The following COL5A1 variants were observed in gnomAD, a reference collection of about 807,000 sequenced individuals.
COL5A1 encodes the protein collagen type V alpha 1 chain.
COL5A1 carries 16 observed loss-of-function variants against 263.7 expected under a neutral mutation model. That is an observed-to-expected ratio of 0.06 (90% CI 0.04 to 0.09). The LOEUF is 0.09. COL5A1 is among the 10% of genes least tolerant of loss of function. The pLI, the probability that COL5A1 is intolerant of heterozygous loss-of-function variation, is 1.00. For synonymous variants in COL5A1, 1,012 were observed against 1,004.5 expected, an observed-to-expected ratio of 1.01 and a Z score of -0.14; for missense variants, 2,036 against 2,540.5, an observed-to-expected ratio of 0.80 and a Z score of 4.27.
In COL5A1 at chr9:134,729,890, T is replaced by C. The variant is rs528102923; in HGVS notation, c.925-346T>C. Among the ~76,000 whole-genome samples, 13 of 152,338 alleles carry C rather than the reference T, an allele frequency of 8.5e-5. 1 individual carries two copies. The highest frequency in any genetic ancestry group is 3.1e-4 in the African/African-American group (13 of 41,568). ...CTTCCAGGGAAAGGTGACCTGGTCATCTCACATTGCTCTGAGAGCCTGGAG... is the reference window on the plus strand; with the variant it reads ...CTTCCAGGGAAAGGTGACCTGGTCACCTCACATTGCTCTGAGAGCCTGGAG... On this transcript the variant is annotated intron_variant, in intron 6 of 65. Transcript: ENST00000371817.
chr9:134,725,728 G>A (rs932443795), intron 4 of COL5A1, among the ~76,000 whole-genome samples: 7 of 152,200 alleles, frequency 4.6e-5, no homozygotes, highest in Admixed American at 3.9e-4. Flanking sequence ...CAATGAATCC[G>A]AAAGTTCAGT....
chr9:134,729,304 C>A (rs1022605379), intron 6 of COL5A1, among the ~76,000 whole-genome samples: 1 of 152,028 alleles, frequency 6.6e-6, no homozygotes, highest in East Asian at 1.9e-4. Flanking sequence ...CAGTGAGAGC[C>A]GGAGGGTCAC....
At position 134,681,147 on chromosome 9, in the gene COL5A1, C is replaced by T. The variant is rs558776732; in HGVS notation, c.110-9765C>T. On this transcript the variant is annotated intron_variant, in intron 1 of 65. Transcript: ENST00000371817. This position sits in a 1 kb window ranked among gnomAD's most constrained non-coding sequence, Gnocchi z 4.3. ...GCTGGGTTGACCTCACTGATGAGGC[C>T]GCCTGCCTTGCAGGGAGGGCTGGGG... 3.5e-4 allele frequency among the ~76,000 whole-genome samples: 53 copies of T among 152,276 alleles called. No homozygotes were observed. The highest frequency in any genetic ancestry group is 1.3e-3 in the African/African-American group (52 of 41,550).
At chr9:134,816,075 A>G (rs2057322521) in intron 52 of COL5A1, 87 bp downstream of exon 52, 1 of 1,308,208 alleles carries the variant, frequency 7.6e-7, no homozygotes, top group South Asian at 1.2e-5. Flanking sequence ...TTTCTGGGAA[A>G]AACTCCAACC....
At chr9:134,830,866 T>C (rs9409999) in intron 64 of COL5A1, among the ~76,000 whole-genome samples, 48,435 of 152,076 alleles carry the variant, frequency 0.32, 8,176 homozygotes, top group Non-Finnish European at 0.38. Context: ...CCGCGTGGAG[T>C]GCCCCTAGGA....
chr9:134,760,522 A>ACCCC, intron 18 of COL5A1, among the ~76,000 whole-genome samples: 1 of 106,342 alleles, frequency 9.4e-6, no homozygotes, highest in Non-Finnish European at 1.8e-5. Flanking sequence ...ACACACCCAC[A>ACCCC]CACCCCCACA....
intron 1 of COL5A1, among the ~76,000 whole-genome samples, chr9:134,685,055 A>ACCAT (rs1554779095): frequency 1.0e-3 from 30 of 29,870 alleles, no homozygotes; most frequent in African/African-American, 2.0e-3. Context: ...CCATCCATCC[A>ACCAT]CCATCCATCC....
rs1838682569 is a variant in COL5A1, at chr9:134,814,892, C to T, written c.4002C>T (p.Pro1334=). ...GPKGPPGDDG[P]KGSPGPVGFP... Reference sequence around the variant, plus strand: ...AAGGCCCTCCCGGAGATGATGGTCCCAAAGGCAGCCCTGTGAGTATTCCAG... The same window carrying T: ...AAGGCCCTCCCGGAGATGATGGTCCTAAAGGCAGCCCTGTGAGTATTCCAG... The change falls in exon 50 of 66, where the codon CCC becomes CCT. Residue 1334 remains proline (P), a synonymous_variant. Transcript: ENST00000371817. 1.9e-6 allele frequency: 3 copies of T among 1,550,602 alleles called. No homozygotes were observed. Among genetic ancestry groups the T allele is most frequent in the East Asian group, 2.4e-5 (1 of 40,920 alleles).
At chr9:134,723,325 A>G (rs1384360403) in intron 4 of COL5A1, among the ~76,000 whole-genome samples, 1 of 150,466 alleles carries the variant, frequency 6.6e-6, no homozygotes, top group Non-Finnish European at 1.5e-5. Context: ...CGGGGGGTTC[A>G]GTCCCTGAAA....
At chr9:134,786,180 T>C in intron 31 of COL5A1, 132 bp downstream of exon 31, 2 of 871,492 alleles carry the variant, frequency 2.3e-6, no homozygotes, top group South Asian at 1.5e-5. Flanking sequence ...CTTCTGGCCA[T>C]GTTACGTGTC....
At chr9:134,654,447 G>A (rs1000572479) in intron 1 of COL5A1, among the ~76,000 whole-genome samples, 15 of 128,530 alleles carry the variant, frequency 1.2e-4, no homozygotes, top group African/African-American at 1.5e-4. Context: ...AGGTGTGTAG[G>A]GCTGGTGTGT....
chr9:134,777,973 C>T (rs1011233886), intron 27 of COL5A1, among the ~76,000 whole-genome samples: 1 of 152,212 alleles, frequency 6.6e-6, no homozygotes, highest in Admixed American at 6.5e-5. Flanking sequence ...TAAGCAGAAT[C>T]CAAAGTTGCT....
In COL5A1 at chr9:134,814,916, A is replaced by T; in HGVS notation, c.4014+12A>T. On this transcript the variant is annotated intron_variant, in intron 50 of 65. Transcript: ENST00000371817. ...CCAAAGGCAGCCCTGTGAGTATTCC[A>T]GACACACCTCAGGGGCCCTGCAGCA... 1 of 1,541,376 alleles carries T rather than the reference A, an allele frequency of 6.5e-7. No individual in the cohort carries two copies. The highest frequency in any genetic ancestry group is 8.8e-7 in the Non-Finnish European group (1 of 1,138,480).
At chr9:134,679,323 G>T (rs1377062447) in intron 1 of COL5A1, among the ~76,000 whole-genome samples, 2 of 135,688 alleles carry the variant, frequency 1.5e-5, no homozygotes, top group South Asian at 2.5e-4. Flanking sequence ...TGGCTAGGGG[G>T]CACTGCAGGG....
rs772341861 is a variant in COL5A1, at chr9:134,758,320, C to T, written c.1935+24C>T. 3.1e-6 allele frequency: 5 copies of T among 1,612,686 alleles called. No individual in the cohort carries two copies. The highest frequency in any genetic ancestry group is 1.7e-5 in the Admixed American group (1 of 60,008). ...GGGTGAGTATTTCCTCTGTGAGACA[C>T]AGGCATGACGATGGGCAGCAGAGGT... On this transcript the variant is annotated intron_variant, in intron 18 of 65. Coordinates refer to ENST00000371817, the MANE Select transcript of COL5A1 (RefSeq NM_000093.5). The surrounding 1 kb of genome is among the most constrained non-coding windows in gnomAD (Gnocchi z 4.1).
intron 1 of COL5A1, among the ~76,000 whole-genome samples, chr9:134,687,345 T>A (rs2132544595): frequency 6.6e-6 from 1 of 152,218 alleles, no homozygotes; most frequent in East Asian, 1.9e-4. Context: ...AGCAGGATGG[T>A]GCCTAGAGGA....
In COL5A1 at chr9:134,652,928, C is replaced by G. The variant is rs760970665; in HGVS notation, c.109+10632C>G. ...TAACGAAGTCAGTTCCCAGACCACG[C>G]GGATGCTGGAGCGTCTGGGGGTGCC... is the stretch of plus-strand genomic sequence containing the variant. On this transcript the variant is annotated intron_variant, in intron 1 of 65. Coordinates refer to ENST00000371817, the MANE Select transcript of COL5A1 (RefSeq NM_000093.5). The surrounding 1 kb of genome is among the most constrained non-coding windows in gnomAD (Gnocchi z 4.4). 3.4e-5 allele frequency: 11 copies of G among 324,524 alleles called. No individual in the cohort carries two copies. The highest frequency in any genetic ancestry group is 1.5e-4 in the African/African-American group (7 of 45,894). The allele number at this position is 324,524 out of a possible 1,614,324, so 20.1% of individuals were successfully genotyped here.
At chr9:134,730,128 C>T in intron 6 of COL5A1, 108 bp from the exon 7 acceptor site, 3 of 1,519,540 alleles carry the variant, frequency 2.0e-6, no homozygotes, top group South Asian at 2.3e-5. Context: ...GCCTGGGCTC[C>T]AGGCGTTGCC....
At chr9:134,799,343 G>A (rs910357828) in intron 37 of COL5A1, among the ~76,000 whole-genome samples, 9 of 152,246 alleles carry the variant, frequency 5.9e-5, no homozygotes, top group African/African-American at 1.2e-4. Context: ...CTACAAGCTT[G>A]GGGCTCCAGG....
Sources: allele counts gnomAD v4.1 joint callset (sites outside exome capture counted in the v4.1 genomes callset), GRCh38; gene constraint gnomAD v4.1.1; non-coding constraint Gnocchi (gnomAD v3.1); transcripts MANE v1.5; gene names NCBI Gene and HGNC (gene_info 2026-07-23, HGNC 2026-07-21).